TEX14: variants seen among roughly 807,000 people sequenced by gnomAD.
TEX14 encodes testis expressed 14, intercellular bridge forming factor.
A neutral mutation model predicts 178.6 loss-of-function variants in TEX14; 168 were observed. The ratio of observed to expected loss-of-function variants is 0.94; its 90% CI spans 0.83 to 1.07. TEX14 has a LOEUF of 1.07. Ranked by LOEUF, TEX14 falls within the 50% of genes least tolerant of loss-of-function variation. The probability of loss-of-function intolerance (pLI) is 0.00; values close to 1 mark genes in which losing one functional copy is unlikely to be tolerated. For missense variants in TEX14, 1,730 were observed against 1,753.6 expected (o/e 0.99, Z 0.24); for synonymous variants, 626 against 634.1 (o/e 0.99, Z 0.19).
chr17:58,690,706 CCAACCA>C (rs1325677761), intron 1 of TEX14, among the ~76,000 whole-genome samples: 1 of 152,162 alleles, frequency 6.6e-6, no homozygotes, highest in East Asian at 1.9e-4. Flanking sequence ...GGTTGAGTGG[CCAACCA>C]CATTTTGGCC....
intron 7 of TEX14, among the ~76,000 whole-genome samples, chr17:58,615,821 T>C (rs1213955561): frequency 1.3e-5 from 2 of 152,200 alleles, no homozygotes; most frequent in Admixed American, 6.5e-5. Flanking sequence ...GACATTAAAG[T>C]ATTGTAATGA....
chr17:58,587,695 G>C lies in TEX14; in HGVS notation c.2703-29C>G, dbSNP rs763442396. ...AATTGCACGGGTTTTTTGGAGGTAG[G>C]GGGAGCGGGGTGGACACAAACACAT... On this transcript the variant is annotated intron_variant, in intron 16 of 31. Transcript: ENST00000349033. The C allele has an allele frequency of 2.0e-5, 30 of 1,517,198 alleles. No homozygotes were observed. In the South Asian group the frequency reaches 3.2e-4, roughly 16 times the overall value. 94.0% of individuals were successfully genotyped at this position (1,517,198 alleles called of 1,614,324 possible).
At chr17:58,687,020 CCCA>C (rs2047612225) in intron 1 of TEX14, among the ~76,000 whole-genome samples, 2 of 151,802 alleles carry the variant, frequency 1.3e-5, no homozygotes, top group African/African-American at 2.4e-5. Context: ...ATTACAGATG[CCCA>C]CCACCACACC....
chr17:58,602,834 G>A (rs913396361), intron 11 of TEX14, among the ~76,000 whole-genome samples: 6 of 151,778 alleles, frequency 4.0e-5, no homozygotes, highest in Admixed American at 3.3e-4. Flanking sequence ...TTGGGAGGCC[G>A]AGGCGGGTGG....
chr17:58,582,221 A>T (rs2044838835), intron 19 of TEX14, among the ~76,000 whole-genome samples: 1 of 152,200 alleles, frequency 6.6e-6, no homozygotes, highest in Non-Finnish European at 1.5e-5. Flanking sequence ...TGTAGTCTCA[A>T]TAATAAAAAT....
intron 1 of TEX14, among the ~76,000 whole-genome samples, chr17:58,687,120 A>T (rs1197594460): frequency 6.6e-6 from 1 of 152,022 alleles, no homozygotes; most frequent in Non-Finnish European, 1.5e-5. Context: ...TTAATCATGA[A>T]TGCAGGATGT....
At chr17:58,651,252 G>C (rs2046834397) in intron 2 of TEX14, among the ~76,000 whole-genome samples, 1 of 152,172 alleles carries the variant, frequency 6.6e-6, no homozygotes, top group Non-Finnish European at 1.5e-5. Flanking sequence ...CACTGCATTT[G>C]GCAACAGAGT....
At chr17:58,657,655 T>C (rs571910214) in intron 1 of TEX14, among the ~76,000 whole-genome samples, 4 of 151,716 alleles carry the variant, frequency 2.6e-5, no homozygotes, top group African/African-American at 7.3e-5. Context: ...ACTGAGACAG[T>C]GAAAGAGATC....
intron 20 of TEX14, among the ~76,000 whole-genome samples, chr17:58,578,937 T>C (rs2144388463): frequency 6.6e-6 from 1 of 152,304 alleles, no homozygotes; most frequent in Non-Finnish European, 1.5e-5. Context: ...TGACCATGGA[T>C]AGCTACACAG....
chr17:58,571,700 C>A lies in TEX14; in HGVS notation c.3717+221G>T, dbSNP rs116531884. Among the ~76,000 whole-genome samples, 818 of 152,222 alleles carry A rather than the reference C, an allele frequency of 5.4e-3. 5 individuals are homozygous for A. Among genetic ancestry groups the A allele is most frequent in the African/African-American group, 0.018 (759 of 41,522 alleles). On this transcript the variant is annotated intron_variant, in intron 24 of 31. Transcript: ENST00000349033. Reference sequence around the variant, plus strand: ...CAGGAGTTCAGAGAACAGTAGAGATCGATCAAAACTCTCAGGGAAGTAACC... The same window carrying A: ...CAGGAGTTCAGAGAACAGTAGAGATAGATCAAAACTCTCAGGGAAGTAACC...
At chr17:58,660,441 AT>A in intron 1 of TEX14, 1 of 506,072 alleles carries the variant, frequency 2.0e-6, no homozygotes, top group East Asian at 3.1e-5. Context: ...TTAACACTTT[AT>A]TGAACTCAAA....
chr17:58,631,462 C>T (rs1458039516), intron 2 of TEX14, among the ~76,000 whole-genome samples: 1 of 152,054 alleles, frequency 6.6e-6, no homozygotes, highest in African/African-American at 2.4e-5. Context: ...AATAAAAATG[C>T]ACATATCTCA....
chr17:58,651,703 T>TTA (rs2046842976), intron 2 of TEX14, among the ~76,000 whole-genome samples, 163 bp downstream of exon 2: 1 of 152,184 alleles, frequency 6.6e-6, no homozygotes, highest in Admixed American at 6.6e-5. Flanking sequence ...AAATGAGGAT[T>TTA]TAACACCTCT....
chr17:58,571,783 A>G, intron 24 of TEX14, 138 bp downstream of exon 24: 1 of 683,590 alleles, frequency 1.5e-6, no homozygotes, highest in Admixed American at 2.6e-5. Flanking sequence ...GACTCAAGAG[A>G]GGAGTCCCAG....
intron 14 of TEX14, among the ~76,000 whole-genome samples, chr17:58,598,440 A>T (rs2045345982): frequency 6.6e-6 from 1 of 152,180 alleles, no homozygotes; most frequent in Admixed American, 6.5e-5. Context: ...AAGATACTTT[A>T]TTCAATAAGT....
intron 1 of TEX14, among the ~76,000 whole-genome samples, chr17:58,669,999 C>T (rs1179743342): frequency 2.0e-5 from 3 of 152,132 alleles, no homozygotes; most frequent in Non-Finnish European, 4.4e-5. Flanking sequence ...TCCACCATAC[C>T]GCCGTGGCAG....
chr17:58,585,098 A>G (rs1351490165), intron 18 of TEX14, among the ~76,000 whole-genome samples: 1 of 152,222 alleles, frequency 6.6e-6, no homozygotes. Flanking sequence ...TACATTCTAA[A>G]TAAATTCTGG....
At chr17:58,616,618 G>A (rs906766355) in intron 6 of TEX14, among the ~76,000 whole-genome samples, 1 of 151,658 alleles carries the variant, frequency 6.6e-6, no homozygotes, top group African/African-American at 2.4e-5. Flanking sequence ...AAATAGAGAC[G>A]GGCTTTTGCC....
chr17:58,584,141 C>A (rs958002018), intron 19 of TEX14, among the ~76,000 whole-genome samples: 3 of 152,202 alleles, frequency 2.0e-5, no homozygotes, highest in Non-Finnish European at 2.9e-5. Flanking sequence ...ACTCTCATAG[C>A]AACCCTGCCC....
Sources: gnomAD v4.1 joint callset for allele counts (sites outside exome capture counted in the v4.1 genomes callset) on GRCh38, gnomAD v4.1.1 for gene constraint, MANE v1.5 for transcripts, NCBI Gene and HGNC (gene_info 2026-07-23, HGNC 2026-07-21) for gene names.